The following MYO3A variants were observed in gnomAD, a reference collection of about 807,000 sequenced individuals.
MYO3A encodes myosin-IIIa.
In MYO3A, 180 loss-of-function variants were observed where a neutral mutation model predicts 192.7. The ratio of observed to expected loss-of-function variants is 0.93; its 90% CI spans 0.83 to 1.06. The LOEUF (loss-of-function observed/expected upper bound fraction) is 1.06. Among genes scored for constraint, MYO3A ranks in the 50% least tolerant of loss-of-function variants. The pLI, the probability that MYO3A is intolerant of heterozygous loss-of-function variation, is 0.00. For synonymous variants in MYO3A, 628 were observed against 645.3 expected (o/e 0.97, Z 0.41); for missense variants, 1,896 against 1,905.0 (o/e 1.00, Z 0.09).
intron 6 of MYO3A, among the ~76,000 whole-genome samples, 183 bp from the exon 7 acceptor site, chr10:26,016,637 G>A (rs766590696): frequency 2.2e-4 from 33 of 152,162 alleles, no homozygotes; most frequent in Non-Finnish European, 4.1e-4. Context: ...GAAAGTAGGA[G>A]CACCATTCTG....
intron 4 of MYO3A, among the ~76,000 whole-genome samples, chr10:25,971,087 A>G (rs1010545388): frequency 4.0e-5 from 6 of 151,796 alleles, no homozygotes; most frequent in Non-Finnish European, 7.4e-5. Context: ...GTATCAGTAA[A>G]TAGTAGAACC....
chr10:26,198,438 C>T (rs769115334), intron 32 of MYO3A, among the ~76,000 whole-genome samples: 3 of 152,212 alleles, frequency 2.0e-5, no homozygotes, highest in East Asian at 1.9e-4. Context: ...TAATCGAACA[C>T]AATCTTATCA....
chr10:25,957,585 A>G (rs1218736341), intron 4 of MYO3A, among the ~76,000 whole-genome samples: 4 of 152,120 alleles, frequency 2.6e-5, no homozygotes, highest in African/African-American at 9.7e-5. Context: ...AACAATTTCT[A>G]TTCCTTTGGG....
At chr10:26,024,509 A>G (rs973262394) in intron 9 of MYO3A, among the ~76,000 whole-genome samples, 2 of 152,076 alleles carry the variant, frequency 1.3e-5, no homozygotes, top group African/African-American at 4.8e-5. Flanking sequence ...TCCTGTCATC[A>G]TGTTGTTAGC....
At chr10:26,071,507 A>G (rs544786146) in intron 14 of MYO3A, among the ~76,000 whole-genome samples, 337 of 152,302 alleles carry the variant, frequency 2.2e-3, no homozygotes, top group African/African-American at 7.7e-3. Context: ...CACAAAATGC[A>G]TAATTTATAC....
intron 14 of MYO3A, among the ~76,000 whole-genome samples, chr10:26,083,679 A>G (rs1021068682): frequency 6.6e-5 from 10 of 152,156 alleles, no homozygotes; most frequent in African/African-American, 2.4e-4. Flanking sequence ...CTATACCTAA[A>G]CTGTTGAGAG....
intron 19 of MYO3A, among the ~76,000 whole-genome samples, chr10:26,126,621 A>G (rs1342477702): frequency 6.6e-6 from 1 of 152,172 alleles, no homozygotes; most frequent in East Asian, 1.9e-4. Context: ...TCAAGCATTC[A>G]TATGAAAATG....
intron 2 of MYO3A, among the ~76,000 whole-genome samples, chr10:25,946,346 G>A (rs1189360281): frequency 6.6e-6 from 1 of 151,946 alleles, no homozygotes; most frequent in East Asian, 1.9e-4. Context: ...CATTTTTGAA[G>A]GATAGTTTTC....
intron 4 of MYO3A, among the ~76,000 whole-genome samples, chr10:25,958,448 A>G (rs766464974): frequency 1.2e-4 from 18 of 152,140 alleles, no homozygotes; most frequent in Admixed American, 1.3e-4. Flanking sequence ...CCATTGGTCC[A>G]TGTATCTGTT....
In MYO3A at chr10:25,973,990, C is replaced by T. The variant is rs1004701372; in HGVS notation, c.303+18982C>T. ...TAAAACCAAAAACCGTAAAAACCCT[C>T]GAAGAAAACCTAGGCAATACCATTC... On this transcript the variant is annotated intron_variant, in intron 4 of 34. Transcript: ENST00000642920. Among the ~76,000 whole-genome samples the T allele has an allele frequency of 3.9e-5, 6 of 151,948 alleles. No homozygotes were observed. The East Asian group carries it at 9.7e-4, about 24-fold the overall frequency.
chr10:25,969,439 T>C (rs573754275), intron 4 of MYO3A, among the ~76,000 whole-genome samples: 2 of 152,314 alleles, frequency 1.3e-5, no homozygotes, highest in Non-Finnish European at 2.9e-5. Flanking sequence ...TTGGAACATA[T>C]AATCCGTGGA....
intron 4 of MYO3A, among the ~76,000 whole-genome samples, chr10:25,986,667 C>T (rs1358739814): frequency 6.6e-6 from 1 of 152,034 alleles, no homozygotes; most frequent in African/African-American, 2.4e-5. Flanking sequence ...ATGTGAAAGA[C>T]CTCTTACAAG....
At chr10:26,024,582 G>T (rs1842456900) in intron 9 of MYO3A, among the ~76,000 whole-genome samples, 1 of 152,162 alleles carries the variant, frequency 6.6e-6, no homozygotes, top group African/African-American at 2.4e-5. Flanking sequence ...GTACCTAAGT[G>T]TGTTTTTGTA....
intron 19 of MYO3A, among the ~76,000 whole-genome samples, chr10:26,125,844 C>T (rs1218812128): frequency 6.6e-6 from 1 of 151,968 alleles, no homozygotes; most frequent in Non-Finnish European, 1.5e-5. Flanking sequence ...ACATAAATAA[C>T]ACAATAGAAA....
At chr10:26,108,697 A>G (rs1033257204) in intron 17 of MYO3A, among the ~76,000 whole-genome samples, 11 of 152,196 alleles carry the variant, frequency 7.2e-5, no homozygotes, top group Non-Finnish European at 1.5e-4. Context: ...TGCTCTTGGC[A>G]GCTCTGAAGA....
chr10:26,093,990 G>A (rs1041083769), intron 15 of MYO3A, among the ~76,000 whole-genome samples: 1 of 152,084 alleles, frequency 6.6e-6, no homozygotes, highest in Non-Finnish European at 1.5e-5. Flanking sequence ...CTAACCAATA[G>A]CATTGTTACT....
chr10:26,154,375 T>C (rs1840977614), intron 24 of MYO3A, among the ~76,000 whole-genome samples: 1 of 152,176 alleles, frequency 6.6e-6, no homozygotes, highest in African/African-American at 2.4e-5. Flanking sequence ...AGACAGGATT[T>C]CACCATGTTG....
intron 3 of MYO3A, among the ~76,000 whole-genome samples, chr10:25,954,058 G>A (rs965959009): frequency 2.0e-5 from 3 of 152,090 alleles, no homozygotes; most frequent in Admixed American, 6.6e-5. Context: ...CAGGCTCGGA[G>A]TCTATATCTG....
chr10:26,168,295 C>A (rs1024519413), intron 27 of MYO3A, among the ~76,000 whole-genome samples: 5 of 152,134 alleles, frequency 3.3e-5, no homozygotes, highest in Admixed American at 6.6e-5. Flanking sequence ...ACTAACGGAA[C>A]TATAATTCTG....
Sources: gnomAD v4.1 joint callset for allele counts (sites outside exome capture counted in the v4.1 genomes callset) on GRCh38, gnomAD v4.1.1 for gene constraint, MANE v1.5 for transcripts, NCBI Gene and HGNC (gene_info 2026-07-23, HGNC 2026-07-21) for gene names.